The following ROBO1 variants were observed in gnomAD, a reference collection of about 807,000 sequenced individuals.
The protein encoded by ROBO1 is roundabout guidance receptor 1.
In ROBO1, 149 loss-of-function variants were observed where a neutral mutation model predicts 195.9. The observed-to-expected ratio is 0.76, with a 90% CI of 0.67 to 0.87. The LOEUF is 0.87. Among genes scored for constraint, ROBO1 ranks in the 40% least tolerant of loss-of-function variants. The pLI is 0.00. For missense variants in ROBO1, 1,933 were observed against 2,068.3 expected (o/e 0.93, Z 1.27); for synonymous variants, 816 against 733.2 (o/e 1.11, Z -1.82).
At chr3:78,752,633 T>C (rs1010477999) in intron 4 of ROBO1, among the ~76,000 whole-genome samples, 5 of 152,084 alleles carry the variant, frequency 3.3e-5, no homozygotes, top group Admixed American at 6.6e-5. Context: ...CTTTAAAAAA[T>C]ATTCCAACAA....
intron 4 of ROBO1, among the ~76,000 whole-genome samples, chr3:78,830,159 C>T (rs1489822730): frequency 6.6e-6 from 1 of 152,164 alleles, no homozygotes; most frequent in African/African-American, 2.4e-5. Flanking sequence ...TCTCGTTTTT[C>T]TTTCTATGTG....
intron 1 of ROBO1, among the ~76,000 whole-genome samples, chr3:79,598,277 A>G (rs1042737893): frequency 6.6e-6 from 1 of 152,062 alleles, no homozygotes; most frequent in Non-Finnish European, 1.5e-5. Flanking sequence ...GTTATTGATT[A>G]ATAATACAGA....
intron 2 of ROBO1, among the ~76,000 whole-genome samples, chr3:79,182,532 C>G (rs1370319399): frequency 7.0e-6 from 1 of 143,292 alleles, no homozygotes; most frequent in African/African-American, 2.8e-5. Context: ...TTCATCAGCA[C>G]TGGGGCACAG....
intron 1 of ROBO1, among the ~76,000 whole-genome samples, chr3:79,767,516 A>G (rs1034716865): frequency 3.9e-5 from 6 of 152,216 alleles, no homozygotes; most frequent in Admixed American, 6.5e-5. Flanking sequence ...GCATCCCTGC[A>G]GGAAAACTTG....
intron 3 of ROBO1, among the ~76,000 whole-genome samples, chr3:79,099,101 A>G (rs756511404): frequency 3.3e-5 from 5 of 151,794 alleles, no homozygotes; most frequent in Admixed American, 6.6e-5. Context: ...TCTAAGCCCT[A>G]ATCTTTTTCA....
chr3:78,977,570 G>T (rs1424498868), intron 3 of ROBO1, among the ~76,000 whole-genome samples: 1 of 150,572 alleles, frequency 6.6e-6, no homozygotes, highest in Non-Finnish European at 1.5e-5. Context: ...AATTAGCAAA[G>T]GATCTTGATT....
chr3:79,243,056 T>A (rs1165763030), intron 2 of ROBO1, among the ~76,000 whole-genome samples: 3 of 145,974 alleles, frequency 2.1e-5, no homozygotes, highest in African/African-American at 7.6e-5. Flanking sequence ...ATTGTTCAGT[T>A]CCCACCTATG....
chr3:78,905,380 A>G (rs967752106), intron 4 of ROBO1, among the ~76,000 whole-genome samples: 2 of 152,042 alleles, frequency 1.3e-5, no homozygotes, highest in African/African-American at 2.4e-5. Flanking sequence ...GCTCATGCCT[A>G]TAATCTCAGT....
intron 1 of ROBO1, among the ~76,000 whole-genome samples, chr3:79,731,726 C>T (rs953363248): frequency 6.6e-6 from 1 of 151,906 alleles, no homozygotes; most frequent in Non-Finnish European, 1.5e-5. Context: ...CAGATGAAGC[C>T]CCTAGCATAC....
intron 4 of ROBO1, among the ~76,000 whole-genome samples, chr3:78,904,094 C>T (rs946853501): frequency 1.3e-5 from 2 of 151,600 alleles, no homozygotes; most frequent in East Asian, 3.9e-4. Context: ...AGTTAGATAA[C>T]TATGACTATT....
chr3:79,359,999 C>A (rs1002600292), intron 2 of ROBO1, among the ~76,000 whole-genome samples: 3 of 151,894 alleles, frequency 2.0e-5, no homozygotes, highest in African/African-American at 7.2e-5. Context: ...TAATTGCAGG[C>A]AGAGGAAATT....
At chr3:79,225,795 C>T (rs951416647) in intron 2 of ROBO1, among the ~76,000 whole-genome samples, 21 of 152,128 alleles carry the variant, frequency 1.4e-4, no homozygotes, top group African/African-American at 4.8e-4. Context: ...CTATCTCAAG[C>T]CTCTCAGTTG....
chr3:79,258,983 G>T (rs1418747920), intron 2 of ROBO1, among the ~76,000 whole-genome samples: 1 of 152,014 alleles, frequency 6.6e-6, no homozygotes, highest in Non-Finnish European at 1.5e-5. Flanking sequence ...TGCTTCTATT[G>T]AATAGCAGAG....
intron 1 of ROBO1, among the ~76,000 whole-genome samples, chr3:79,650,029 A>G (rs1945956124): frequency 6.6e-6 from 1 of 152,070 alleles, no homozygotes; most frequent in Admixed American, 6.6e-5. Context: ...TAAGATTTCT[A>G]AGACACTTTG....
chr3:78,864,193 T>C (rs1013676734), intron 4 of ROBO1, among the ~76,000 whole-genome samples: 3 of 152,242 alleles, frequency 2.0e-5, no homozygotes, highest in African/African-American at 4.8e-5. Context: ...GTTGGCTTCA[T>C]GGCTTATAAG....
At chr3:79,676,982 A>G (rs1946802190) in intron 1 of ROBO1, among the ~76,000 whole-genome samples, 1 of 152,076 alleles carries the variant, frequency 6.6e-6, no homozygotes, top group Non-Finnish European at 1.5e-5. Flanking sequence ...GGGATTGGGT[A>G]GATATTTTTT....
chr3:78,708,033 C>G (rs969282021), intron 8 of ROBO1, among the ~76,000 whole-genome samples: 1 of 152,142 alleles, frequency 6.6e-6, no homozygotes, highest in African/African-American at 2.4e-5. Context: ...CATGATCACT[C>G]TGGTGATAGA....
intron 2 of ROBO1, among the ~76,000 whole-genome samples, chr3:79,275,118 C>A (rs1241730258): frequency 6.6e-6 from 1 of 151,938 alleles, no homozygotes; most frequent in Non-Finnish European, 1.5e-5. Context: ...GGAATACTTC[C>A]AAACTGATTC....
chr3:79,232,083 G>A (rs1338332241), intron 2 of ROBO1, among the ~76,000 whole-genome samples: 1 of 151,908 alleles, frequency 6.6e-6, no homozygotes, highest in East Asian at 1.9e-4. Flanking sequence ...AAGAGGATCA[G>A]GGAAAATAAC....
Sources: gnomAD v4.1 joint callset for allele counts (sites outside exome capture counted in the v4.1 genomes callset) on GRCh38, gnomAD v4.1.1 for gene constraint, MANE v1.5 for transcripts, NCBI Gene and HGNC (gene_info 2026-07-23, HGNC 2026-07-21) for gene names.